Variants in RNF43 observed in about 807,000 individuals in gnomAD.
RNF43 encodes E3 ubiquitin-protein ligase RNF43.
Under a neutral mutation model 78.4 loss-of-function variants are expected in RNF43, and 37 were observed. The ratio of observed to expected loss-of-function variants is 0.47; its 90% confidence interval spans 0.36 to 0.62. The LOEUF is 0.62. Ranked by LOEUF, RNF43 falls within the 20% of genes least tolerant of loss-of-function variation. The pLI, the probability that RNF43 is intolerant of heterozygous loss-of-function variation, is 0.00. For synonymous variants in RNF43, 347 were observed against 395.0 expected, an observed-to-expected ratio of 0.88 and a Z score of 1.44; for missense variants, 774 against 1,007.9, an observed-to-expected ratio of 0.77 and a Z score of 3.14.
Position 58,406,206 on chromosome 17 carries a change from G to A in RNF43, c.252+9120C>T, listed in dbSNP as rs140472851. Among the ~76,000 whole-genome samples the A allele has an allele frequency of 3.2e-3, 482 of 152,208 alleles. 3 individuals are homozygous for A. The highest frequency in any genetic ancestry group is 3.0e-3 in the Non-Finnish European group (205 of 68,002). On this transcript the variant is annotated intron_variant, in intron 2 of 9. Transcript: ENST00000407977. ...GGATCAAAGAGGAAAGAGACCCTGCGGCAGTCTATATCTTCTTAATGGAAT... is the reference window on the plus strand; with the variant it reads ...GGATCAAAGAGGAAAGAGACCCTGCAGCAGTCTATATCTTCTTAATGGAAT...
intron 2 of RNF43, among the ~76,000 whole-genome samples, chr17:58,374,774 A>T (rs935102676): frequency 2.0e-5 from 3 of 152,100 alleles, no homozygotes; most frequent in Non-Finnish European, 4.4e-5. Context: ...CAGTGATTAC[A>T]TATGTACAGT....
Position 58,362,610 on chromosome 17 carries a change from G to T in RNF43, c.621C>A (p.Gly207=). The T allele has an allele frequency of 6.2e-7, 1 of 1,611,616 alleles. No homozygotes were observed. The highest frequency in any genetic ancestry group is 8.5e-7 in the Non-Finnish European group (1 of 1,178,898). The part of the protein sequence containing the change: ...YDVWILMTVV[G]TIFVIILASV... ...AAGCCAGGATGATCACAAAGATGGTGCCCACCACTGTCATTAGGATCCACA... is the reference window on the plus strand; with the variant it reads ...AAGCCAGGATGATCACAAAGATGGTTCCCACCACTGTCATTAGGATCCACA... The change falls in exon 6 of 10, where the codon GGC becomes GGA. Residue 207 remains glycine, a synonymous_variant. Coordinates refer to ENST00000407977, the MANE Select transcript of RNF43 (RefSeq NM_017763.6).
At chr17:58,362,443 A>G in intron 6 of RNF43, 101 bp downstream of exon 6, 1 of 731,460 alleles carries the variant, frequency 1.4e-6, no homozygotes, top group South Asian at 2.0e-5. Context: ...ATGGTTCCAT[A>G]GGTATAAAGG....
intron 2 of RNF43, among the ~76,000 whole-genome samples, chr17:58,394,277 A>G (rs1973626474): frequency 6.6e-6 from 1 of 152,350 alleles, no homozygotes; most frequent in African/African-American, 2.4e-5. Flanking sequence ...AACCCTATCC[A>G]TTGACGGTGA....
chr17:58,376,460 T>G (rs1191386864), intron 2 of RNF43, among the ~76,000 whole-genome samples: 1 of 152,218 alleles, frequency 6.6e-6, no homozygotes, highest in African/African-American at 2.4e-5. Context: ...TTTGTATGGC[T>G]TGACTCTTTT....
intron 2 of RNF43, among the ~76,000 whole-genome samples, chr17:58,395,833 A>G (rs1973668107): frequency 6.6e-6 from 1 of 152,218 alleles, no homozygotes; most frequent in Non-Finnish European, 1.5e-5. Context: ...TTAAGGATAG[A>G]GAAAAATCAC....
chr17:58,405,116 C>T (rs957573815), intron 2 of RNF43, among the ~76,000 whole-genome samples: 1 of 119,946 alleles, frequency 8.3e-6, no homozygotes, highest in Admixed American at 1.2e-4. Context: ...CTTGCTCTGT[C>T]GCCCAGGCTG....
At chr17:58,391,018 T>C (rs759138896) in intron 2 of RNF43, among the ~76,000 whole-genome samples, 1 of 152,202 alleles carries the variant, frequency 6.6e-6, no homozygotes, top group Middle Eastern at 3.2e-3. Context: ...AGGGCTCCGT[T>C]AGTAAGCACC....
intron 2 of RNF43, among the ~76,000 whole-genome samples, chr17:58,409,602 G>A (rs144440140): frequency 3.3e-4 from 50 of 152,196 alleles, no homozygotes; most frequent in Non-Finnish European, 5.9e-4. Flanking sequence ...CCAACTCCTG[G>A]GCTCAAGTGA....
chr17:58,364,224 C>G (rs1464721006), intron 3 of RNF43, among the ~76,000 whole-genome samples: 1 of 152,222 alleles, frequency 6.6e-6, no homozygotes, highest in African/African-American at 2.4e-5. Context: ...CCAAGTCTTT[C>G]TCTGGCTCCA....
At chr17:58,353,364 G>A (rs1355001814), downstream of RNF43, 2 of 204,450 alleles carry the variant, frequency 9.8e-6, no homozygotes, top group African/African-American at 4.6e-5. Context: ...GAAAAAGCGA[G>A]GCACAGAGTA....
intron 3 of RNF43, among the ~76,000 whole-genome samples, chr17:58,366,911 C>T (rs1430040991): frequency 1.3e-5 from 2 of 152,070 alleles, no homozygotes; most frequent in Non-Finnish European, 2.9e-5. Context: ...CTGCAGTTTC[C>T]GCCTCCCGGG....
At chr17:58,409,508 T>C (rs905196911) in intron 2 of RNF43, among the ~76,000 whole-genome samples, 2 of 152,136 alleles carry the variant, frequency 1.3e-5, no homozygotes, top group African/African-American at 4.8e-5. Context: ...GACTTTTTAA[T>C]AAAACAAAAA....
intron 9 of RNF43, among the ~76,000 whole-genome samples, chr17:58,355,693 A>G (rs903404862): frequency 5.3e-5 from 8 of 152,228 alleles, no homozygotes; most frequent in African/African-American, 1.9e-4. Flanking sequence ...GTGGACAAAC[A>G]GAACATTTGA....
Position 58,360,216 on chromosome 17 carries a change from A to G in RNF43, c.885T>C (p.His295=). The change falls in exon 8 of 10, where the codon CAT becomes CAC. Residue 295 remains histidine, a synonymous_variant. Coordinates refer to ENST00000407977, the MANE Select transcript of RNF43 (RefSeq NM_017763.6). This position sits in a 1 kb window ranked among gnomAD's most constrained non-coding sequence, Gnocchi z 4.3. The part of the protein sequence containing the change: ...LRVISCLHEF[H]RNCVDPWLHQ... ...GTAACCAGGGGTCCACACAGTTACG[A>G]TGGAACTCATGGAGGCAGGAAATGA... 1 of 1,614,138 alleles carries G rather than the reference A, an allele frequency of 6.2e-7. No individual in the cohort carries two copies. The highest frequency in any genetic ancestry group is 8.5e-7 in the Non-Finnish European group (1 of 1,179,992).
intron 3 of RNF43, among the ~76,000 whole-genome samples, chr17:58,365,525 T>C (rs1972930083): frequency 6.6e-6 from 1 of 152,080 alleles, no homozygotes; most frequent in Non-Finnish European, 1.5e-5. Flanking sequence ...TCCAGCCCAT[T>C]ACAGCCCATA....
At chr17:58,368,653 C>A (rs1330410851) in intron 3 of RNF43, among the ~76,000 whole-genome samples, 1 of 148,964 alleles carries the variant, frequency 6.7e-6, no homozygotes, top group Non-Finnish European at 1.5e-5. Flanking sequence ...GCAGAGGTTG[C>A]AGTGAGCCGA....
chr17:58,382,689 A>G (rs1432519086), intron 2 of RNF43, among the ~76,000 whole-genome samples: 2 of 152,228 alleles, frequency 1.3e-5, no homozygotes, highest in Non-Finnish European at 2.9e-5. Flanking sequence ...GAAGAAAGCA[A>G]CAGCCTTCTG....
At chr17:58,386,540 T>C (rs2428680) in intron 2 of RNF43, among the ~76,000 whole-genome samples, 5,029 of 152,312 alleles carry the variant, frequency 0.033, 254 homozygotes, top group African/African-American at 0.11. Context: ...CTCAAAAGTA[T>C]GTGTTTCTTC....
Sources: allele counts gnomAD v4.1 joint callset (sites outside exome capture counted in the v4.1 genomes callset), GRCh38; gene constraint gnomAD v4.1.1; non-coding constraint Gnocchi (gnomAD v3.1); transcripts MANE v1.5; gene names NCBI Gene and HGNC (gene_info 2026-07-23, HGNC 2026-07-21).